ZNF280D: variants seen among roughly 807,000 people sequenced by gnomAD.
The protein encoded by ZNF280D is suppressor of hairy wing homolog 4.
In ZNF280D, 39 loss-of-function variants were observed where a neutral mutation model predicts 94.7. The observed-to-expected ratio is 0.41, with a 90% CI of 0.32 to 0.54. The LOEUF is 0.54. Ranked by LOEUF, ZNF280D falls within the 20% of genes least tolerant of loss-of-function variation. The pLI, the probability that ZNF280D is intolerant of heterozygous loss-of-function variation, is 0.22. For synonymous variants in ZNF280D, 398 were observed against 377.6 expected (o/e 1.05, Z -0.63); for missense variants, 1,090 against 1,149.3 (o/e 0.95, Z 0.75).
intron 6 of ZNF280D, among the ~76,000 whole-genome samples, chr15:56,696,371 A>G (rs545787602): frequency 6.6e-6 from 1 of 152,320 alleles, no homozygotes; most frequent in East Asian, 1.9e-4. Context: ...AGCTATCACA[A>G]CAATACTAAT....
chr15:56,701,795 GC>G (rs1461753359), intron 4 of ZNF280D, among the ~76,000 whole-genome samples: 2 of 151,976 alleles, frequency 1.3e-5, no homozygotes, highest in Non-Finnish European at 2.9e-5. Context: ...ATCAGAGATT[GC>G]AGACTAAAGT....
intron 6 of ZNF280D, among the ~76,000 whole-genome samples, chr15:56,694,737 G>C (rs1483541913): frequency 6.6e-6 from 1 of 151,816 alleles, no homozygotes; most frequent in African/African-American, 2.4e-5. Context: ...GAAAATACGA[G>C]GAAATTAAAA....
intron 13 of ZNF280D, among the ~76,000 whole-genome samples, chr15:56,672,427 A>G (rs1306123810): frequency 6.6e-6 from 1 of 152,114 alleles, no homozygotes; most frequent in African/African-American, 2.4e-5. Context: ...TTCTGCATCT[A>G]TTGAGATAAT....
chr15:56,677,566 A>G lies in ZNF280D; in HGVS notation c.1263+8T>C. ...AACACTTAAAAAAACAATAAAATGT[A>G]TGTGTACCTGGCAGACATATGGCAT... On this transcript the variant is annotated splice_region_variant and intron_variant, in intron 12 of 21. Coordinates refer to ENST00000267807, the MANE Select transcript of ZNF280D (RefSeq NM_017661.4). The G allele has an allele frequency of 6.4e-7, 1 of 1,574,586 alleles. No homozygotes were observed.
At chr15:56,670,083 T>C (rs1421075131) in intron 13 of ZNF280D, among the ~76,000 whole-genome samples, 10 of 100,658 alleles carry the variant, frequency 9.9e-5, no homozygotes, top group South Asian at 3.3e-4. Flanking sequence ...TATATATATA[T>C]ACACATGCAC....
chr15:56,728,370 T>G (rs2058729751), intron 1 of ZNF280D, among the ~76,000 whole-genome samples: 1 of 152,088 alleles, frequency 6.6e-6, no homozygotes, highest in African/African-American at 2.4e-5. Flanking sequence ...TATGCAAAGG[T>G]GACTGGAAGG....
chr15:56,693,052 T>G lies in ZNF280D; in HGVS notation c.499+46A>C, dbSNP rs771898766. 31 of 1,163,720 alleles carry G rather than the reference T, an allele frequency of 2.7e-5. 1 individual carries two copies. In the South Asian group the frequency reaches 4.0e-4, roughly 15 times the overall value. 72.1% of individuals were successfully genotyped at this position (1,163,720 alleles called of 1,614,324 possible). ...AAAGTCAATCTCATATGCATATTCA[T>G]CAAGTTTCTTTCTATAACCTTTATG... On this transcript the variant is annotated intron_variant, in intron 7 of 21. Transcript: ENST00000267807.
intron 1 of ZNF280D, among the ~76,000 whole-genome samples, chr15:56,710,574 C>T (rs1325142565): frequency 6.6e-6 from 1 of 152,194 alleles, no homozygotes; most frequent in Admixed American, 6.5e-5. Flanking sequence ...TTTATGGATA[C>T]TGCCCACATA....
intron 16 of ZNF280D, among the ~76,000 whole-genome samples, chr15:56,659,318 G>A (rs1295836849): frequency 6.6e-6 from 1 of 151,332 alleles, no homozygotes; most frequent in African/African-American, 2.4e-5. Context: ...AAAGTTTCCT[G>A]TACTAGAAAG....
At chr15:56,639,443 C>G (rs1342052429) in intron 20 of ZNF280D, among the ~76,000 whole-genome samples, 1 of 152,028 alleles carries the variant, frequency 6.6e-6, no homozygotes, top group Non-Finnish European at 1.5e-5. Context: ...AATCTCCAAA[C>G]TCCAAAGGTT....
chr15:56,693,743 C>A lies in ZNF280D; in HGVS notation c.382-528G>T, dbSNP rs578037550. On this transcript the variant is annotated intron_variant, in intron 6 of 21. Coordinates refer to ENST00000267807, the MANE Select transcript of ZNF280D (RefSeq NM_017661.4). ...AAACCTCACATCTGAGATATCAGGG[C>A]AAACAAACGGAATCAATCTGCAGTA... Among the ~76,000 whole-genome samples the A allele has an allele frequency of 2.0e-5, 3 of 152,064 alleles. No homozygotes were observed. The South Asian group carries it at 6.2e-4, about 32-fold the overall frequency.
intron 20 of ZNF280D, among the ~76,000 whole-genome samples, chr15:56,640,251 T>G (rs1262189945): frequency 6.6e-6 from 1 of 152,042 alleles, no homozygotes; most frequent in Non-Finnish European, 1.5e-5. Flanking sequence ...AAAAAATGAA[T>G]GCCCCTATAA....
At chr15:56,697,055 A>AT (rs548896800) in intron 6 of ZNF280D, among the ~76,000 whole-genome samples, 5 of 152,008 alleles carry the variant, frequency 3.3e-5, no homozygotes, top group Non-Finnish European at 5.9e-5. Context: ...TTGTTTTTCT[A>AT]TTTTTTTCCC....
At chr15:56,696,533 A>G (rs1404372739) in intron 6 of ZNF280D, among the ~76,000 whole-genome samples, 1 of 152,178 alleles carries the variant, frequency 6.6e-6, no homozygotes, top group Non-Finnish European at 1.5e-5. Flanking sequence ...CTTAAGCTAT[A>G]TCACATTGAC....
intron 20 of ZNF280D, among the ~76,000 whole-genome samples, chr15:56,636,199 A>C (rs1385618528): frequency 2.0e-5 from 3 of 152,182 alleles, no homozygotes; most frequent in African/African-American, 4.8e-5. Context: ...AGATTTCACC[A>C]AATGTTTAGA....
intron 19 of ZNF280D, chr15:56,652,974 A>G: frequency 1.1e-6 from 1 of 913,558 alleles, no homozygotes; most frequent in Non-Finnish European, 1.3e-6. Context: ...CATAAAATAG[A>G]CATTAATAAA....
At chr15:56,733,345 G>A (rs1286206708) in intron 1 of ZNF280D, 113 bp downstream of exon 1, 77 of 604,216 alleles carry the variant, frequency 1.3e-4, no homozygotes, top group Non-Finnish European at 1.9e-5. Flanking sequence ...CCGACGACCC[G>A]CGCCGGCCTC....
intron 1 of ZNF280D, chr15:56,729,828 A>T (rs2058799729): frequency 6.6e-6 from 1 of 152,204 alleles, no homozygotes; most frequent in African/African-American, 2.4e-5. Flanking sequence ...AGATACAGAA[A>T]CTCAAAAAGA....
At chr15:56,672,267 G>C (rs1219732298) in intron 13 of ZNF280D, among the ~76,000 whole-genome samples, 4 of 151,998 alleles carry the variant, frequency 2.6e-5, no homozygotes, top group African/African-American at 9.7e-5. Context: ...TGGTTTTCAA[G>C]GGGAATGCTT....
Sources: gnomAD v4.1 joint callset for allele counts (sites outside exome capture counted in the v4.1 genomes callset) on GRCh38, gnomAD v4.1.1 for gene constraint, MANE v1.5 for transcripts, NCBI Gene and HGNC (gene_info 2026-07-23, HGNC 2026-07-21) for gene names.